Variants in SECISBP2 observed in about 807,000 individuals in gnomAD.
SECISBP2 encodes SECIS binding protein 2.
A neutral mutation model predicts 98.2 loss-of-function variants in SECISBP2; 96 were observed. The observed-to-expected ratio is 0.98, with a 90% CI of 0.83 to 1.16. SECISBP2 has a LOEUF of 1.16. SECISBP2 is among the 50% of genes most tolerant of loss of function. The pLI is 0.00. For synonymous variants in SECISBP2, 407 were observed against 370.2 expected (o/e 1.10, Z -1.14); for missense variants, 1,046 against 1,022.9 (o/e 1.02, Z -0.31).
chr9:89,336,334 C>T (rs1285673474), intron 7 of SECISBP2, among the ~76,000 whole-genome samples: 1 of 151,782 alleles, frequency 6.6e-6, no homozygotes, highest in Non-Finnish European at 1.5e-5. Flanking sequence ...CCACACCCAA[C>T]TTTTAAGTTA....
chr9:89,364,190 C>T, downstream of SECISBP2: 1 of 748,058 alleles, frequency 1.3e-6, no homozygotes, highest in Non-Finnish European at 2.1e-6. Flanking sequence ...TTTTTCAAAG[C>T]ACACCTGTGT....
At chr9:89,332,496 C>G in intron 5 of SECISBP2, 1 of 256,620 alleles carries the variant, frequency 3.9e-6, no homozygotes, top group Non-Finnish European at 7.6e-6. Context: ...CCCTCAGCCC[C>G]TGCTAACTAC....
chr9:89,362,196 C>A (rs950626655), downstream of SECISBP2: 5 of 742,420 alleles, frequency 6.7e-6, no homozygotes, highest in Admixed American at 1.3e-4. Context: ...AGTCTTAGTT[C>A]CTGTCACAGG....
At chr9:89,326,143 A>T in intron 4 of SECISBP2, 105 bp downstream of exon 4, 3 of 1,391,364 alleles carry the variant, frequency 2.2e-6, no homozygotes, top group Non-Finnish European at 3.0e-6. Flanking sequence ...CATTGTGACT[A>T]CTCCAAGAAA....
chr9:89,336,526 T>C (rs1257984108), intron 7 of SECISBP2, among the ~76,000 whole-genome samples: 4 of 152,190 alleles, frequency 2.6e-5, no homozygotes, highest in African/African-American at 9.7e-5. Flanking sequence ...AAAAATGTAA[T>C]TAGCCCATTC....
chr9:89,347,770 C>G (rs1830644545), intron 11 of SECISBP2, among the ~76,000 whole-genome samples: 1 of 152,158 alleles, frequency 6.6e-6, no homozygotes, highest in African/African-American at 2.4e-5. Context: ...TCACGCCCAG[C>G]CTCCCTCCGG....
At chr9:89,343,415 A>G (rs1198883505) in intron 10 of SECISBP2, among the ~76,000 whole-genome samples, 1 of 151,896 alleles carries the variant, frequency 6.6e-6, no homozygotes. Context: ...AACTTGTGTC[A>G]TGGGGGTTTG....
intron 7 of SECISBP2, among the ~76,000 whole-genome samples, chr9:89,336,766 C>CTTTTTTTTCT (rs1828790000): frequency 1.3e-5 from 1 of 75,210 alleles, no homozygotes; most frequent in African/African-American, 5.8e-5. Flanking sequence ...CTGTCTAATT[C>CTTTTTTTTCT]TTTTTTTTTT....
At chr9:89,363,419 C>T (rs768336525), downstream of SECISBP2, 29 of 1,610,710 alleles carry the variant, frequency 1.8e-5, no homozygotes, top group South Asian at 4.4e-5. Flanking sequence ...TGCCCGGCTG[C>T]GGCCACTTAC....
rs138763367 is a variant in SECISBP2 at position 89,346,549 on chromosome 9, C to CTGAG, written c.1436-331_1436-328dup. Among the ~76,000 whole-genome samples the CTGAG allele has an allele frequency of 9.7e-3, 1,438 of 148,528 alleles. 28 individuals carry two copies. Among genetic ancestry groups the CTGAG allele is most frequent in the African/African-American group, 0.032 (1,315 of 41,314 alleles). ...TGAGTGCAGACCACCTAGAACTGTC[C>CTGAG]TGAGTCAGAAAATGAGATCCATGCT... On this transcript the variant is annotated intron_variant, in intron 10 of 16. Coordinates refer to ENST00000375807, the MANE Select transcript of SECISBP2 (RefSeq NM_024077.5).
intron 14 of SECISBP2, 95 bp from the exon 15 acceptor site, chr9:89,357,315 TG>T: frequency 7.7e-7 from 1 of 1,297,654 alleles, no homozygotes; most frequent in African/African-American, 1.5e-5. Flanking sequence ...AAATCATAGA[TG>T]GGTGTGTTGC....
At chr9:89,336,081 C>CTATTTTTTTTTTTTTTTTTTTTTTT (rs1828629469) in intron 7 of SECISBP2, among the ~76,000 whole-genome samples, 1 of 33,062 alleles carries the variant, frequency 3.0e-5, no homozygotes, top group African/African-American at 1.2e-4. Context: ...ATTTTAAGTG[C>CTATTTTTTTTTTTTTTTTTTTTTTT]TTTTTTTTTT....
In SECISBP2 at chr9:89,325,972, T is replaced by C. The variant is rs372582731; in HGVS notation, c.508T>C (p.Ser170Pro). 1.9e-6 allele frequency: 3 copies of C among 1,613,940 alleles called. No individual in the cohort carries two copies. The African/African-American group carries it at 4.0e-5, about 22-fold the overall frequency. The change falls in exon 4 of 17, where the codon TCT becomes CCT. Residue 170 changes from serine to proline, a missense_variant. Transcript: ENST00000375807. ...DSERADGTIS[S>P]EIKSARGSHH... ...TGAAAGGGCTGATGGAACTATATCA[T>C]CTGAGATAAAATCAGCTAGAGGTTC...
chr9:89,340,895 T>G (rs750783053), intron 9 of SECISBP2, among the ~76,000 whole-genome samples: 26 of 152,218 alleles, frequency 1.7e-4, no homozygotes, highest in Non-Finnish European at 2.9e-4. Flanking sequence ...ATTTGCTGAG[T>G]ATGATTTGGG....
chr9:89,333,790 C>T (rs1587901988), intron 6 of SECISBP2, among the ~76,000 whole-genome samples: 2 of 152,330 alleles, frequency 1.3e-5, no homozygotes, highest in Middle Eastern at 6.8e-3. Flanking sequence ...CTTGTCCTAA[C>T]AGAGACATTT....
At chr9:89,341,212 TC>T in intron 9 of SECISBP2, 134 bp from the exon 10 acceptor site, 1 of 824,224 alleles carries the variant, frequency 1.2e-6, no homozygotes, top group Non-Finnish European at 1.9e-6. Flanking sequence ...TTTTTTCCTT[TC>T]ATTACTTGAA....
At chr9:89,338,325 T>A in intron 7 of SECISBP2, 133 bp from the exon 8 acceptor site, 2 of 1,061,626 alleles carry the variant, frequency 1.9e-6, no homozygotes, top group Non-Finnish European at 2.8e-6. Flanking sequence ...AAACAGGGGA[T>A]GAGGAACCTA....
At chr9:89,329,089 T>A (rs752070501) in intron 5 of SECISBP2, 6 of 586,358 alleles carry the variant, frequency 1.0e-5, no homozygotes, top group Non-Finnish European at 1.8e-5. Context: ...CTAGTGCAGC[T>A]ATTGTTTTAT....
intron 10 of SECISBP2, among the ~76,000 whole-genome samples, chr9:89,344,036 A>G (rs1295316823): frequency 6.6e-6 from 1 of 152,140 alleles, no homozygotes; most frequent in Non-Finnish European, 1.5e-5. Flanking sequence ...ATGGTATCTC[A>G]TTGTGGTTTT....
Sources: allele counts gnomAD v4.1 joint callset (sites outside exome capture counted in the v4.1 genomes callset), GRCh38; gene constraint gnomAD v4.1.1; transcripts MANE v1.5; gene names NCBI Gene and HGNC (gene_info 2026-07-23, HGNC 2026-07-21).